Variants in PCDHA4 observed in about 807,000 individuals in gnomAD.
The protein encoded by PCDHA4 is protocadherin alpha 4.
In PCDHA4, 49 loss-of-function variants were observed where a neutral mutation model predicts 61.4. The observed-to-expected ratio is 0.80, with a 90% CI of 0.63 to 1.01. PCDHA4 has a LOEUF of 1.01. PCDHA4 is among the 50% of genes least tolerant of loss of function. The pLI is 0.00. For missense variants in PCDHA4, 1,254 were observed against 1,235.8 expected (o/e 1.01, Z -0.22); for synonymous variants, 590 against 550.3 (o/e 1.07, Z -1.01).
Position 140,884,585 on chromosome 5 carries a change from A to G in PCDHA4, c.2385+75013A>G, listed in dbSNP as rs2060279044. 1.9e-6 allele frequency: 3 copies of G among 1,614,072 alleles called. No individual in the cohort carries two copies. The South Asian group carries it at 3.3e-5, about 18-fold the overall frequency. On this transcript the variant is annotated intron_variant, in intron 1 of 3. Coordinates refer to ENST00000530339, the MANE Select transcript of PCDHA4 (RefSeq NM_018907.4). ...GCATAAGACGGACCTCATGGCCTTC[A>G]GTCCCAGCCTTCCTCCTTGTCTGGG...
chr5:140,904,613 T>C (rs1554191625), intron 1 of PCDHA4, among the ~76,000 whole-genome samples: 2 of 152,112 alleles, frequency 1.3e-5, no homozygotes, highest in African/African-American at 2.4e-5. Context: ...ATAGTAGTTT[T>C]ACTTTTAGTT....
chr5:140,925,033 C>G (rs1176042899), intron 1 of PCDHA4, among the ~76,000 whole-genome samples: 1 of 151,334 alleles, frequency 6.6e-6, no homozygotes, highest in Non-Finnish European at 1.5e-5. Flanking sequence ...ATCGCTTGAG[C>G]CCAGAAGTTT....
At chr5:140,846,796 C>G (rs1200474608) in intron 1 of PCDHA4, among the ~76,000 whole-genome samples, 1 of 149,304 alleles carries the variant, frequency 6.7e-6, no homozygotes, top group African/African-American at 2.5e-5. Context: ...GAGCCCCAGC[C>G]CCTGGCTTTA....
intron 3 of PCDHA4, among the ~76,000 whole-genome samples, chr5:141,000,955 T>G (rs1237087024): frequency 6.6e-6 from 1 of 152,210 alleles, no homozygotes; most frequent in Non-Finnish European, 1.5e-5. Flanking sequence ...CTTGCTGTAA[T>G]TTAAGCCTTC....
chr5:140,924,909 AATAAAAT>A (rs1563069072), intron 1 of PCDHA4, among the ~76,000 whole-genome samples: 5 of 66,374 alleles, frequency 7.5e-5, no homozygotes, highest in African/African-American at 2.5e-4. Context: ...AAAAAAATAA[AATAAAAT>A]AAAATAAAAT....
intron 1 of PCDHA4, among the ~76,000 whole-genome samples, chr5:140,894,820 C>A (rs149254580): frequency 3.2e-4 from 49 of 152,072 alleles, no homozygotes; most frequent in African/African-American, 1.2e-3. Flanking sequence ...ATCAGATTTG[C>A]CCATAATCCT....
intron 3 of PCDHA4, among the ~76,000 whole-genome samples, chr5:140,998,686 T>G (rs1245765431): frequency 6.6e-6 from 1 of 152,118 alleles, no homozygotes; most frequent in Non-Finnish European, 1.5e-5. Context: ...TGCCTCAGCC[T>G]CCCAAGTAGC....
chr5:140,853,169 G>C lies in PCDHA4; in HGVS notation c.2385+43597G>C, dbSNP rs1002466846. 32 of 959,704 alleles carry C rather than the reference G, an allele frequency of 3.3e-5. 1 individual carries two copies. The South Asian group carries it at 1.3e-3, about 40-fold the overall frequency. 59.4% of individuals were successfully genotyped at this position (959,704 alleles called of 1,614,324 possible). ...GCTGGGATTACAGGCGTGAGCCACC[G>C]CGCCTGGCCTAAAATGTGTTCTTTA... On this transcript the variant is annotated intron_variant, in intron 1 of 3. Transcript: ENST00000530339.
intron 1 of PCDHA4, among the ~76,000 whole-genome samples, chr5:140,936,014 T>C (rs1405282987): frequency 4.0e-5 from 6 of 151,334 alleles, no homozygotes; most frequent in Non-Finnish European, 8.8e-5. Flanking sequence ...CACCTCAGCC[T>C]CCCGAGTAGC....
chr5:140,834,770 C>G lies in PCDHA4; in HGVS notation c.2385+25198C>G, dbSNP rs781912893. 4 of 1,613,922 alleles carry G rather than the reference C, an allele frequency of 2.5e-6. No homozygotes were observed. Among genetic ancestry groups the G allele is most frequent in the African/African-American group, 1.3e-5 (1 of 74,870 alleles). On this transcript the variant is annotated intron_variant, in intron 1 of 3. Transcript: ENST00000530339. ...TGGAGGTGAAGGACATTAACGACAACCCTCCGGTGTTCCCAGCGACACAAA... is the reference window on the plus strand; with the variant it reads ...TGGAGGTGAAGGACATTAACGACAAGCCTCCGGTGTTCCCAGCGACACAAA...
chr5:140,828,954 T>G, intron 1 of PCDHA4: 1 of 1,614,236 alleles, frequency 6.2e-7, no homozygotes, highest in Non-Finnish European at 8.5e-7. Flanking sequence ...GTTGCAGCCA[T>G]GGTTATTGAC....
chr5:140,819,945 T>C (rs1197937432), intron 1 of PCDHA4, among the ~76,000 whole-genome samples: 1 of 152,020 alleles, frequency 6.6e-6, no homozygotes, highest in East Asian at 1.9e-4. Flanking sequence ...GCCTTTTAAA[T>C]ACTTAATATT....
At chr5:140,975,309 T>C (rs182558596) in intron 1 of PCDHA4, among the ~76,000 whole-genome samples, 161 of 152,342 alleles carry the variant, frequency 1.1e-3, no homozygotes, top group African/African-American at 3.2e-3. Flanking sequence ...CTCATGTGAT[T>C]ATGTCAGTCC....
At chr5:140,973,272 TC>T (rs1412629943) in intron 1 of PCDHA4, among the ~76,000 whole-genome samples, 1 of 152,134 alleles carries the variant, frequency 6.6e-6, no homozygotes, top group African/African-American at 2.4e-5. Flanking sequence ...TACTTTTATT[TC>T]CCCCAGCACT....
At chr5:140,916,641 G>T (rs781877597) in intron 1 of PCDHA4, among the ~76,000 whole-genome samples, 2 of 152,150 alleles carry the variant, frequency 1.3e-5, no homozygotes, top group African/African-American at 2.4e-5. Context: ...TCCTACTGTG[G>T]CTGAGCTGGT....
intron 1 of PCDHA4, chr5:140,853,957 G>T: frequency 2.7e-6 from 2 of 736,982 alleles, no homozygotes; most frequent in Non-Finnish European, 3.4e-6. Context: ...TCCCTTCCTT[G>T]AGCCCAGCAG....
At position 140,829,969 on chromosome 5, in the gene PCDHA4, G is replaced by A. The variant is rs144012634; in HGVS notation, c.2385+20397G>A. The A allele has an allele frequency of 1.9e-4, 306 of 1,614,010 alleles. 1 individual carries two copies. The African/African-American group carries it at 3.5e-3, about 18-fold the overall frequency. On this transcript the variant is annotated intron_variant, in intron 1 of 3. Coordinates refer to ENST00000530339, the MANE Select transcript of PCDHA4 (RefSeq NM_018907.4). The stretch of plus-strand genomic sequence containing the variant: ...CTCGCTTCCCGTTTCGCGTGGGGCT[G>A]TACACGGGCGAGATCAGCACCACTC...
intron 1 of PCDHA4, chr5:140,969,257 AATC>A (rs782398697): frequency 1.2e-6 from 2 of 1,614,102 alleles, no homozygotes; most frequent in African/African-American, 2.7e-5. Context: ...TGACAGCAGG[AATC>A]TCACAGGCCA....
intron 1 of PCDHA4, among the ~76,000 whole-genome samples, chr5:140,913,872 G>A (rs2076493472): frequency 6.6e-6 from 1 of 151,980 alleles, no homozygotes; most frequent in Non-Finnish European, 1.5e-5. Flanking sequence ...TAATTTCCAT[G>A]TGTTCATGTA....
Sources: allele counts gnomAD v4.1 joint callset (sites outside exome capture counted in the v4.1 genomes callset), GRCh38; gene constraint gnomAD v4.1.1; transcripts MANE v1.5; gene names NCBI Gene and HGNC (gene_info 2026-07-23, HGNC 2026-07-21).